The following CHST8 variants were observed in gnomAD, a reference collection of about 807,000 sequenced individuals.
CHST8 encodes GALNAC-4-ST1.
In CHST8, 10 loss-of-function variants were observed where a neutral mutation model predicts 15.0. That is an observed-to-expected ratio of 0.67 (90% CI 0.41 to 1.13). The LOEUF is 1.13. Ranked by LOEUF, CHST8 falls within the 50% of genes most tolerant of loss-of-function variation. The pLI is 0.00. For missense variants in CHST8, 634 were observed against 608.2 expected, an observed-to-expected ratio of 1.04 and a Z score of -0.45; for synonymous variants, 259 against 256.6, an observed-to-expected ratio of 1.01 and a Z score of -0.09.
chr19:33,667,303 C>G (rs983499612), intron 1 of CHST8, among the ~76,000 whole-genome samples: 10 of 152,216 alleles, frequency 6.6e-5, no homozygotes, highest in Non-Finnish European at 1.0e-4. Flanking sequence ...GAAAGCCTTC[C>G]TGCAGCCCCA....
intron 2 of CHST8, among the ~76,000 whole-genome samples, chr19:33,668,818 G>A (rs766290110): frequency 6.6e-6 from 1 of 152,134 alleles, no homozygotes; most frequent in Non-Finnish European, 1.5e-5. Context: ...ACTCGTATTA[G>A]GATATATGGA....
intron 1 of CHST8, among the ~76,000 whole-genome samples, chr19:33,653,868 C>G (rs1972478260): frequency 6.6e-6 from 1 of 152,136 alleles, no homozygotes; most frequent in Non-Finnish European, 1.5e-5. Context: ...CTTGAGTGCC[C>G]TAGAGACTCT....
intron 1 of CHST8, among the ~76,000 whole-genome samples, chr19:33,644,073 C>T (rs759151910): frequency 1.1e-4 from 17 of 152,104 alleles, no homozygotes; most frequent in Non-Finnish European, 2.2e-4. Flanking sequence ...GCTGGGACTA[C>T]AGGCACCTGC....
At chr19:33,755,944 GAGGCCTTGAA>G (rs1974536668) in intron 3 of CHST8, among the ~76,000 whole-genome samples, 1 of 152,176 alleles carries the variant, frequency 6.6e-6, no homozygotes, top group Non-Finnish European at 1.5e-5. Flanking sequence ...CAAAGAGTTT[GAGGCCTTGAA>G]AGGGGAATTC....
intron 3 of CHST8, among the ~76,000 whole-genome samples, chr19:33,712,971 A>G (rs1478927350): frequency 2.6e-5 from 4 of 152,042 alleles, no homozygotes; most frequent in Non-Finnish European, 2.9e-5. Context: ...TCCTCCTTCA[A>G]TGATGTATAT....
intron 3 of CHST8, among the ~76,000 whole-genome samples, chr19:33,738,830 T>A (rs1974132658): frequency 6.6e-6 from 1 of 152,172 alleles, no homozygotes; most frequent in African/African-American, 2.4e-5. Flanking sequence ...CCGTGGGTGA[T>A]CCACCCCTCT....
rs76040465 is a variant in CHST8 at position 33,653,321 on chromosome 19, G to C, written c.-163-14446G>C. ...TATTCATTGTTTTTGGGTCCCCTCTGCTCCTCAAAGAAGATGAGAGTTAGT... is the reference window on the plus strand; with the variant it reads ...TATTCATTGTTTTTGGGTCCCCTCTCCTCCTCAAAGAAGATGAGAGTTAGT... On this transcript the variant is annotated intron_variant, in intron 1 of 4. Coordinates refer to ENST00000650847, the MANE Select transcript of CHST8 (RefSeq NM_001127895.2). 6.2e-3 allele frequency among the ~76,000 whole-genome samples: 939 copies of C among 152,268 alleles called. 4 individuals carry two copies. Among genetic ancestry groups the C allele is most frequent in the South Asian group, 0.025 (119 of 4,822 alleles).
chr19:33,689,013 C>T (rs1409030928), intron 2 of CHST8, among the ~76,000 whole-genome samples, 163 bp from the exon 3 acceptor site: 2 of 152,154 alleles, frequency 1.3e-5, no homozygotes. Flanking sequence ...GAACAGGCTT[C>T]CCTCAGCCTC....
intron 1 of CHST8, 144 bp downstream of exon 1, chr19:33,622,440 C>G (rs974990656): frequency 1.3e-5 from 2 of 152,050 alleles, no homozygotes; most frequent in African/African-American, 4.8e-5. Flanking sequence ...GAGTCCGAAG[C>G]TGCGGGCGGA....
chr19:33,725,785 A>G (rs559293138), intron 3 of CHST8, among the ~76,000 whole-genome samples: 2 of 152,238 alleles, frequency 1.3e-5, no homozygotes, highest in Non-Finnish European at 2.9e-5. Flanking sequence ...CTCTAGCCTC[A>G]TCTTCTATAT....
chr19:33,752,384 A>G (rs1428153736), intron 3 of CHST8, among the ~76,000 whole-genome samples: 4 of 152,134 alleles, frequency 2.6e-5, no homozygotes, highest in Non-Finnish European at 4.4e-5. Flanking sequence ...AAATCCACTT[A>G]GATATTCTGT....
At chr19:33,709,483 G>A (rs1973509031) in intron 3 of CHST8, among the ~76,000 whole-genome samples, 2 of 152,164 alleles carry the variant, frequency 1.3e-5, no homozygotes, top group African/African-American at 4.8e-5. Context: ...AGATGTTTAT[G>A]TTGTTTCATC....
intron 3 of CHST8, among the ~76,000 whole-genome samples, chr19:33,756,903 A>G (rs1974557537): frequency 6.6e-6 from 1 of 152,126 alleles, no homozygotes; most frequent in South Asian, 2.1e-4. Flanking sequence ...CAGGTATGAG[A>G]TGCAAAGGGC....
rs570016549 is a variant in CHST8, at chr19:33,671,605, C to T, written c.-87+3762C>T. 9.2e-5 allele frequency among the ~76,000 whole-genome samples: 14 copies of T among 151,952 alleles called. No individual in the cohort carries two copies. In the South Asian group the frequency reaches 2.7e-3, roughly 29 times the overall value. On this transcript the variant is annotated intron_variant, in intron 2 of 4. Coordinates refer to ENST00000650847, the MANE Select transcript of CHST8 (RefSeq NM_001127895.2). Reference sequence around the variant, plus strand: ...GTCAAGAGTGCTGTCACCCCAGGGCCCTTGCACAGCTGATTCCCTCTATAA... The same window carrying T: ...GTCAAGAGTGCTGTCACCCCAGGGCTCTTGCACAGCTGATTCCCTCTATAA...
At chr19:33,769,226 C>T (rs982143126) in intron 3 of CHST8, among the ~76,000 whole-genome samples, 2 of 152,248 alleles carry the variant, frequency 1.3e-5, no homozygotes, top group African/African-American at 4.8e-5. Flanking sequence ...TCAACAAGCA[C>T]ATGGCCTTCC....
intron 3 of CHST8, among the ~76,000 whole-genome samples, chr19:33,699,237 A>G (rs1224692504): frequency 3.3e-5 from 5 of 152,122 alleles, no homozygotes; most frequent in Non-Finnish European, 7.4e-5. Context: ...AGGGGTGCAC[A>G]GGGAGATGGA....
chr19:33,622,817 C>A (rs529716110), intron 1 of CHST8, among the ~76,000 whole-genome samples: 1 of 152,324 alleles, frequency 6.6e-6, no homozygotes, highest in East Asian at 1.9e-4. Flanking sequence ...CGTCCCCGAC[C>A]CGCAACTCTC....
rs1402989430 is a variant in CHST8 at position 33,772,034 on chromosome 19, G to T, written c.246G>T (p.Gly82=). ...TERVTRDLSS[G]APRGRNLPAP... ...GGGTCACTCGGGACTTATCCAGTGG[G>T]GCCCCGAGGGGCCGCAACCTGCCAG... The change falls in exon 5 of 5, where the codon GGG becomes GGT. Residue 82 remains glycine (G), a synonymous_variant. Transcript: ENST00000650847. The T allele has an allele frequency of 6.2e-7, 1 of 1,611,894 alleles. No individual in the cohort carries two copies. Among genetic ancestry groups the T allele is most frequent in the Admixed American group, 1.7e-5 (1 of 59,840 alleles).
At chr19:33,635,046 G>A (rs1456209766) in intron 1 of CHST8, among the ~76,000 whole-genome samples, 2 of 152,140 alleles carry the variant, frequency 1.3e-5, no homozygotes, top group Non-Finnish European at 2.9e-5. Flanking sequence ...CCTCCCTGAT[G>A]ATGCATGTGT....
Sources: gnomAD v4.1 joint callset for allele counts (sites outside exome capture counted in the v4.1 genomes callset) on GRCh38, gnomAD v4.1.1 for gene constraint, MANE v1.5 for transcripts, NCBI Gene and HGNC (gene_info 2026-07-23, HGNC 2026-07-21) for gene names.